DCAF6: variants seen among roughly 807,000 people sequenced by gnomAD.
The protein encoded by DCAF6 is DDB1 and CUL4 associated factor 6.
In DCAF6, 54 loss-of-function variants were observed where a neutral mutation model predicts 125.1. The ratio of observed to expected loss-of-function variants is 0.43; its 90% CI spans 0.35 to 0.54. The LOEUF (loss-of-function observed/expected upper bound fraction) is 0.54. Ranked by LOEUF, DCAF6 falls within the 20% of genes least tolerant of loss-of-function variation. DCAF6 has a pLI of 0.01. For missense variants in DCAF6, 934 were observed against 1,161.7 expected (o/e 0.80, Z 2.85); for synonymous variants, 371 against 390.4 (o/e 0.95, Z 0.58).
chr1:168,031,107 G>T (rs1371700039), intron 12 of DCAF6, among the ~76,000 whole-genome samples: 1 of 152,202 alleles, frequency 6.6e-6, no homozygotes, highest in East Asian at 1.9e-4. Flanking sequence ...CAGAGCTCAA[G>T]AAAGAAATTT....
intron 11 of DCAF6, among the ~76,000 whole-genome samples, chr1:168,018,027 A>AT (rs1043601123): frequency 2.0e-4 from 31 of 152,210 alleles, no homozygotes; most frequent in African/African-American, 6.8e-4. Context: ...GAATTTCTGC[A>AT]TTACATTGTT....
chr1:167,953,220 GC>G (rs1166454951), intron 2 of DCAF6, among the ~76,000 whole-genome samples: 1 of 151,954 alleles, frequency 6.6e-6, no homozygotes, highest in African/African-American at 2.4e-5. Flanking sequence ...TATATTTTAT[GC>G]CTTATACCTA....
chr1:168,044,552 C>A, intron 14 of DCAF6, 33 bp from the exon 15 acceptor site: 1 of 1,498,334 alleles, frequency 6.7e-7, no homozygotes, highest in Non-Finnish European at 9.3e-7. Flanking sequence ...CTCATGGATA[C>A]CAAGGGATGA....
the DCAF6 span, chr1:167,924,409 T>C: frequency 4.6e-6 from 5 of 1,083,388 alleles, no homozygotes; most frequent in Non-Finnish European, 6.8e-6. Context: ...TACTCTAAAG[T>C]ATATCCTTCA....
At chr1:168,053,187 T>C (rs898207714) in intron 17 of DCAF6, among the ~76,000 whole-genome samples, 2 of 152,156 alleles carry the variant, frequency 1.3e-5, no homozygotes, top group African/African-American at 4.8e-5. Context: ...ATCAAAAATA[T>C]GGGCCCTTAT....
At chr1:167,868,905 C>A in the DCAF6 span, among the ~76,000 whole-genome samples, 4 of 152,248 alleles carry the variant, frequency 2.6e-5, no homozygotes, top group East Asian at 5.8e-4. Flanking sequence ...CTAATAAAAC[C>A]AGTCAAGCCT....
chr1:168,045,796 A>G (rs982614987), intron 16 of DCAF6, among the ~76,000 whole-genome samples: 1 of 152,152 alleles, frequency 6.6e-6, no homozygotes, highest in Non-Finnish European at 1.5e-5. Context: ...TAGTTTTTCT[A>G]TATTTTATGT....
intron 10 of DCAF6, 113 bp from the exon 11 acceptor site, chr1:168,015,668 C>G (rs1684869491): frequency 2.1e-6 from 2 of 942,722 alleles, no homozygotes; most frequent in South Asian, 2.7e-5. Context: ...TAGTATTCCT[C>G]TATGAGACAT....
At chr1:167,953,952 T>C (rs1008085662) in intron 2 of DCAF6, among the ~76,000 whole-genome samples, 1 of 152,136 alleles carries the variant, frequency 6.6e-6, no homozygotes, top group Non-Finnish European at 1.5e-5. Flanking sequence ...CGTACTTCAT[T>C]GGTGATCTGA....
the DCAF6 span, among the ~76,000 whole-genome samples, chr1:167,919,618 A>T: frequency 7.9e-5 from 12 of 152,228 alleles, no homozygotes; most frequent in African/African-American, 2.4e-4. Context: ...AAAGGTTTAC[A>T]TAAGAAATTA....
chr1:167,994,881 TAAC>T (rs1257376008), intron 7 of DCAF6, among the ~76,000 whole-genome samples: 1 of 152,208 alleles, frequency 6.6e-6, no homozygotes, highest in African/African-American at 2.4e-5. Flanking sequence ...AGGTTACTAA[TAAC>T]AGTGATTTTG....
intron 12 of DCAF6, among the ~76,000 whole-genome samples, chr1:168,037,683 G>A (rs1277605821): frequency 6.6e-6 from 1 of 152,026 alleles, no homozygotes; most frequent in Non-Finnish European, 1.5e-5. Context: ...GTGTATTATA[G>A]ACATCATCTA....
intron 1 of DCAF6, among the ~76,000 whole-genome samples, chr1:167,946,497 G>A (rs907888422): frequency 2.0e-5 from 3 of 152,098 alleles, no homozygotes; most frequent in African/African-American, 7.2e-5. Context: ...TATGATGTTA[G>A]TTACAGGTTT....
At chr1:167,976,895 T>G (rs1384606112) in intron 4 of DCAF6, among the ~76,000 whole-genome samples, 2 of 112,826 alleles carry the variant, frequency 1.8e-5, no homozygotes, top group Middle Eastern at 3.9e-3. Context: ...AGTTTTTTTT[T>G]TTTTTTTTTT....
chr1:168,012,586 T>C (rs1290623836), intron 10 of DCAF6, among the ~76,000 whole-genome samples: 1 of 152,240 alleles, frequency 6.6e-6, no homozygotes, highest in African/African-American at 2.4e-5. Flanking sequence ...GGATGTAATA[T>C]GTGTGTATGT....
At chr1:167,865,767 G>T in the DCAF6 span, among the ~76,000 whole-genome samples, 14 of 152,194 alleles carry the variant, frequency 9.2e-5, no homozygotes, top group African/African-American at 3.4e-4. Context: ...TATTCCATCT[G>T]CACATTAAAC....
rs906742916 is a variant in DCAF6 at position 168,016,087 on chromosome 1, A to G, written c.1549+136A>G. Reference sequence around the variant, plus strand: ...CAGCTTACCCCTCCTTTCCTTGCATATGGGTGGTATTCAACATCACGTGTT... The same window carrying G: ...CAGCTTACCCCTCCTTTCCTTGCATGTGGGTGGTATTCAACATCACGTGTT... On this transcript the variant is annotated intron_variant, in intron 11 of 21. Coordinates refer to ENST00000367840, the MANE Select transcript of DCAF6 (RefSeq NM_001198956.2). The G allele has an allele frequency of 1.6e-5, 10 of 638,282 alleles. No individual in the cohort carries two copies. The African/African-American group carries it at 2.7e-4, about 17-fold the overall frequency. The allele number at this position is 638,282 out of a possible 1,614,324, so 39.5% of individuals were successfully genotyped here.
chr1:167,971,991 G>A (rs1379565189), intron 3 of DCAF6, among the ~76,000 whole-genome samples: 1 of 152,114 alleles, frequency 6.6e-6, no homozygotes, highest in South Asian at 2.1e-4. Context: ...GAGTAGCTGG[G>A]ACTACAGGGA....
At chr1:168,014,618 C>A (rs767686056) in intron 10 of DCAF6, among the ~76,000 whole-genome samples, 4 of 152,142 alleles carry the variant, frequency 2.6e-5, no homozygotes, top group Non-Finnish European at 4.4e-5. Context: ...TCCATTGTTC[C>A]CTGCCGTAAT....
Sources: allele counts gnomAD v4.1 joint callset (sites outside exome capture counted in the v4.1 genomes callset), GRCh38; gene constraint gnomAD v4.1.1; transcripts MANE v1.5; gene names NCBI Gene and HGNC (gene_info 2026-07-23, HGNC 2026-07-21).